Variants in GSPT1 observed in about 807,000 individuals in gnomAD.
The protein encoded by GSPT1 is eukaryotic peptide chain release factor GTP-binding subunit ERF3A.
GSPT1 carries 20 observed loss-of-function variants against 72.5 expected under a neutral mutation model. That is an observed-to-expected ratio of 0.28 (90% CI 0.19 to 0.40). The LOEUF (loss-of-function observed/expected upper bound fraction) is 0.40. Ranked by LOEUF, GSPT1 falls within the 10% of genes least tolerant of loss-of-function variation. The pLI, the probability that GSPT1 is intolerant of heterozygous loss-of-function variation, is 1.00. For synonymous variants in GSPT1, 334 were observed against 293.5 expected, an observed-to-expected ratio of 1.14 and a Z score of -1.41; for missense variants, 580 against 811.9, an observed-to-expected ratio of 0.71 and a Z score of 3.47.
At chr16:11,882,090 G>T (rs1479337438) in intron 11 of GSPT1, 1 of 152,180 alleles carries the variant, frequency 6.6e-6, no homozygotes, top group East Asian at 1.9e-4. Flanking sequence ...AGACCAGCCT[G>T]GCCAACAAGG....
intron 14 of GSPT1, among the ~76,000 whole-genome samples, chr16:11,874,170 A>C (rs1289019420): frequency 6.6e-6 from 1 of 152,206 alleles, no homozygotes; most frequent in African/African-American, 2.4e-5. Flanking sequence ...AGGTGTTCTA[A>C]ATGTTCTAAT....
At position 11,869,988 on chromosome 16, in the gene GSPT1, G is replaced by A. The variant is rs532912362; in HGVS notation, c.*3131C>T. 8 of 152,288 alleles carry A rather than the reference G, an allele frequency of 5.3e-5. No individual in the cohort carries two copies. Among genetic ancestry groups the A allele is most frequent in the African/African-American group, 1.9e-4 (8 of 41,560 alleles). The allele number at this position is 152,288 out of a possible 1,614,324, so 9.4% of individuals were successfully genotyped here. On this transcript the variant is annotated 3_prime_UTR_variant, in exon 15 of 15. Coordinates refer to ENST00000434724, the MANE Select transcript of GSPT1 (RefSeq NM_002094.4). ...ACATCACAGTTCAAAGTCCCATATT[G>A]TGAGAGCAGTACTTGTAGTTTATGT...
chr16:11,879,704 A>C (rs1355454268), intron 11 of GSPT1, among the ~76,000 whole-genome samples: 1 of 145,972 alleles, frequency 6.9e-6, no homozygotes, highest in Non-Finnish European at 1.5e-5. Flanking sequence ...ACACCACTGC[A>C]CTCCAGCCTG....
chr16:11,876,715 C>G (rs964221357), intron 12 of GSPT1, among the ~76,000 whole-genome samples: 1 of 152,124 alleles, frequency 6.6e-6, no homozygotes, highest in African/African-American at 2.4e-5. Flanking sequence ...TGCACTCCAG[C>G]CTGGGTGACA....
At chr16:11,897,637 C>T (rs2054356618) in intron 3 of GSPT1, among the ~76,000 whole-genome samples, 1 of 152,172 alleles carries the variant, frequency 6.6e-6, no homozygotes, top group African/African-American at 2.4e-5. Flanking sequence ...GACCATTCCT[C>T]CACTCAATTT....
At chr16:11,910,176 G>A (rs1400984268) in intron 1 of GSPT1, among the ~76,000 whole-genome samples, 2 of 152,050 alleles carry the variant, frequency 1.3e-5, no homozygotes, top group Non-Finnish European at 2.9e-5. Flanking sequence ...TGGCCCAGGA[G>A]GCCAGAAAAA....
At chr16:11,879,347 T>A (rs1282920135) in intron 11 of GSPT1, among the ~76,000 whole-genome samples, 2 of 151,178 alleles carry the variant, frequency 1.3e-5, no homozygotes, top group Non-Finnish European at 2.9e-5. Context: ...TGAGCTGAGA[T>A]GGCGCCACTG....
intron 1 of GSPT1, among the ~76,000 whole-genome samples, chr16:11,910,102 A>C (rs1278943415): frequency 6.6e-6 from 1 of 152,212 alleles, no homozygotes; most frequent in African/African-American, 2.4e-5. Flanking sequence ...GTCTCTAAAA[A>C]ATAATAAGTA....
chr16:11,906,995 T>C (rs1060682), intron 1 of GSPT1, among the ~76,000 whole-genome samples: 2 of 152,016 alleles, frequency 1.3e-5, no homozygotes, highest in East Asian at 3.8e-4. Context: ...CATAAAACAA[T>C]GTGGATGGTT....
At chr16:11,887,820 TAA>T (rs2054202728) in intron 6 of GSPT1, 70 bp from the exon 7 acceptor site, 13 of 1,028,570 alleles carry the variant, frequency 1.3e-5, no homozygotes, top group Non-Finnish European at 1.9e-5. Context: ...TCTTCACCAT[TAA>T]AGATATAATG....
At chr16:11,899,637 C>T (rs539009823) in intron 1 of GSPT1, among the ~76,000 whole-genome samples, 1 of 152,250 alleles carries the variant, frequency 6.6e-6, no homozygotes, top group Non-Finnish European at 1.5e-5. Context: ...AGAAACTGTA[C>T]TTCAACACAA....
In GSPT1 at chr16:11,911,549, CTAT is replaced by C. The variant is rs1273354726; in HGVS notation, c.352+3817_352+3819del. ...TACAGGTTTGTGCCACCACACCCAG[CTAT>C]TTTTTTTTTTTTTTTTTTTTGAGAC... On this transcript the variant is annotated intron_variant, in intron 1 of 14. Coordinates refer to ENST00000434724, the MANE Select transcript of GSPT1 (RefSeq NM_002094.4). Among the ~76,000 whole-genome samples the C allele has an allele frequency of 1.3e-3, 134 of 102,420 alleles. 4 individuals carry two copies. In the East Asian group the frequency reaches 0.034, roughly 26 times the overall value. The allele number at this position is 102,420 out of a possible 152,430, so 67.2% of individuals were successfully genotyped here.
intron 14 of GSPT1, among the ~76,000 whole-genome samples, chr16:11,874,810 T>C (rs2054019768): frequency 6.6e-6 from 1 of 152,206 alleles, no homozygotes; most frequent in Non-Finnish European, 1.5e-5. Context: ...GGAATGAACA[T>C]GTGAAATGAC....
In GSPT1 at chr16:11,915,733, C is replaced by T; in HGVS notation, c.-13G>A. On this transcript the variant is annotated 5_prime_UTR_variant, in exon 1 of 15. Transcript: ENST00000434724. ...TGCCCGGATCCATGATCGGGGGGGCCGTGTGTGTGGTGGACAGAGAGCGGG... is the reference window on the plus strand; with the variant it reads ...TGCCCGGATCCATGATCGGGGGGGCTGTGTGTGTGGTGGACAGAGAGCGGG... 1.3e-6 allele frequency: 2 copies of T among 1,524,394 alleles called. No homozygotes were observed. Among genetic ancestry groups the T allele is most frequent in the Non-Finnish European group, 1.8e-6 (2 of 1,142,612 alleles). The allele number at this position is 1,524,394 out of a possible 1,614,324, so 94.4% of individuals were successfully genotyped here. A position where few individuals can be genotyped will look rare whatever the true frequency, so the allele number is the denominator to read the frequency against.
chr16:11,886,515 A>C lies in GSPT1; in HGVS notation c.1209T>G (p.Thr403=). The part of the protein sequence containing the change: ...DIHFMPCSGL[T]GANLKEQSDF... ...CCGACTGCTCTTTGAGATTTGCTCC[A>C]GTAAGTCCTGAGCAGGGCATAAAGT... is the stretch of plus-strand genomic sequence containing the variant. Residue 403 remains threonine, a synonymous_variant, in exon 9 of 15, where the codon ACT becomes ACG. Coordinates refer to ENST00000434724, the MANE Select transcript of GSPT1 (RefSeq NM_002094.4). 2 of 1,613,008 alleles carry C rather than the reference A, an allele frequency of 1.2e-6. No individual in the cohort carries two copies. Among genetic ancestry groups the C allele is most frequent in the Non-Finnish European group, 1.7e-6 (2 of 1,179,062 alleles).
chr16:11,904,404 A>G (rs886646936), intron 1 of GSPT1, among the ~76,000 whole-genome samples: 27 of 152,118 alleles, frequency 1.8e-4, no homozygotes, highest in South Asian at 4.2e-4. Flanking sequence ...GGGTTTCACC[A>G]TGTTGGCCAG....
rs2054626922 is a variant in GSPT1, at chr16:11,915,698, C to T, written c.23G>A (p.Gly8Asp). ...CCCGCCGCCGCCGCCGCCGCCGCCG[C>T]CGCCGCCACTGCCCGGATCCATGAT... is the stretch of plus-strand genomic sequence containing the variant. MDPGSGGGGGGGGGGGSS... is the reference protein window; with the variant it reads MDPGSGGDGGGGGGGGSS... Residue 8 changes from glycine (G) to aspartate (D), a missense_variant, in exon 1 of 15, where the codon GGC (glycine) becomes GAC (aspartate). Gly to Asp is a moderately conservative substitution (Grantham distance 94). This residue lies in a region of GSPT1 where 327 missense variants were observed against 298.8 expected (regional missense o/e 1.09). Coordinates refer to ENST00000434724, the MANE Select transcript of GSPT1 (RefSeq NM_002094.4). The T allele has an allele frequency of 2.7e-6, 4 of 1,496,048 alleles. No individual in the cohort carries two copies. The highest frequency in any genetic ancestry group is 1.5e-5 in the African/African-American group (1 of 67,926). 92.7% of individuals were successfully genotyped at this position (1,496,048 alleles called of 1,614,324 possible). A position where few individuals can be genotyped will look rare whatever the true frequency, so the allele number is the denominator to read the frequency against.
intron 10 of GSPT1, among the ~76,000 whole-genome samples, chr16:11,884,739 G>C (rs892923854): frequency 6.9e-6 from 1 of 144,926 alleles, no homozygotes; most frequent in African/African-American, 2.6e-5. Flanking sequence ...ACTCTAGCCT[G>C]GGTGACAGAG....
chr16:11,898,725 C>T (rs1362169705), intron 1 of GSPT1, among the ~76,000 whole-genome samples: 2 of 152,050 alleles, frequency 1.3e-5, no homozygotes, highest in African/African-American at 4.8e-5. Context: ...GCTGGGATTA[C>T]AGGCTTGAGC....
Sources: allele counts gnomAD v4.1 joint callset (sites outside exome capture counted in the v4.1 genomes callset), GRCh38; gene constraint gnomAD v4.1.1; regional missense constraint gnomAD v4.1.1; transcripts MANE v1.5; gene names NCBI Gene and HGNC (gene_info 2026-07-23, HGNC 2026-07-21).